The following ZNF460 variants were observed in gnomAD, a reference collection of about 807,000 sequenced individuals.
The protein encoded by ZNF460 is zinc finger protein 272.
A neutral mutation model predicts 8.4 loss-of-function variants in ZNF460; 1 was observed. That is an observed-to-expected ratio of 0.12 (90% CI 0.04 to 0.56). The LOEUF (loss-of-function observed/expected upper bound fraction) is 0.56, where lower values mean the gene tolerates loss of function less well. ZNF460 is among the 20% of genes least tolerant of loss of function. The pLI is 0.91. For synonymous variants in ZNF460, 262 were observed against 259.9 expected, an observed-to-expected ratio of 1.01 and a Z score of -0.08; for missense variants, 477 against 714.8, an observed-to-expected ratio of 0.67 and a Z score of 3.79.
Position 57,280,529 on chromosome 19 carries a change from C to A in ZNF460, c.-278C>A. On this transcript the variant is annotated 5_prime_UTR_variant, in exon 1 of 3. Transcript: ENST00000360338. ...AGCGCTGGGTGGGCGCGTTCTGCGG[C>A]CTGAGCAGGGACGGGTAGTGAAGCG... 1.9e-6 allele frequency: 1 copy of A among 523,412 alleles called. No homozygotes were observed. The highest frequency in any genetic ancestry group is 2.2e-5 in the South Asian group (1 of 44,894). The allele number at this position is 523,412 out of a possible 1,614,324, so 32.4% of individuals were successfully genotyped here. A position where few individuals can be genotyped will look rare whatever the true frequency, so the allele number is the denominator to read the frequency against.
At chr19:57,285,376 A>G (rs886171734) in intron 2 of ZNF460, among the ~76,000 whole-genome samples, 3 of 152,012 alleles carry the variant, frequency 2.0e-5, no homozygotes, top group African/African-American at 7.3e-5. Flanking sequence ...TGGCTCAGCT[A>G]TTGTGTGGAA....
chr19:57,280,043 G>T (rs773331282), upstream of ZNF460: 7 of 152,288 alleles, frequency 4.6e-5, no homozygotes, highest in Admixed American at 6.5e-5. Flanking sequence ...TATTTTAACT[G>T]CTCATTTATC....
chr19:57,287,613 CTG>C (rs2087888716), intron 2 of ZNF460, among the ~76,000 whole-genome samples: 1 of 152,156 alleles, frequency 6.6e-6, no homozygotes, highest in African/African-American at 2.4e-5. Context: ...ATGAGCCACA[CTG>C]TGTGGGTGTG....
At chr19:57,282,499 C>A (rs188662685) in intron 1 of ZNF460, among the ~76,000 whole-genome samples, 1 of 152,188 alleles carries the variant, frequency 6.6e-6, no homozygotes, top group African/African-American at 2.4e-5. Context: ...GGTGTCACCA[C>A]GTCAGGTGAT....
rs7246828 is a variant in ZNF460, at chr19:57,284,219, T to A, written c.31-332T>A. On this transcript the variant is annotated intron_variant, in intron 1 of 2. Coordinates refer to ENST00000360338, the MANE Select transcript of ZNF460 (RefSeq NM_006635.4). ...TTATTTATTTATTTATTTATTTATT[T>A]TTTATTTATTTATTTATTTTTTTTT... Among the ~76,000 whole-genome samples, 87 of 125,712 alleles carry A rather than the reference T, an allele frequency of 6.9e-4. 1 individual carries two copies. The East Asian group carries it at 0.019, about 28-fold the overall frequency. The allele number at this position is 125,712 out of a possible 152,430, so 82.5% of individuals were successfully genotyped here.
At chr19:57,289,320 C>T (rs952789820) in intron 2 of ZNF460, among the ~76,000 whole-genome samples, 3 of 152,138 alleles carry the variant, frequency 2.0e-5, no homozygotes, top group South Asian at 2.1e-4. Context: ...GCATCAGCTT[C>T]GTCTCCGCCC....
In ZNF460 at chr19:57,291,422, A is replaced by G. The variant is rs2087917196; in HGVS notation, c.881A>G (p.Asn294Ser). Residue 294 changes from asparagine (N) to serine (S), a missense_variant, in exon 3 of 3, where the codon AAT becomes AGT. This residue lies in a region of ZNF460 where 193 missense variants were observed against 391.7 expected (regional missense o/e 0.49). Coordinates refer to ENST00000360338, the MANE Select transcript of ZNF460 (RefSeq NM_006635.4). The surrounding 1 kb of genome is among the most constrained non-coding windows in gnomAD (Gnocchi z 8.4). Reference protein sequence around the residue: ...ECGKAFTYRSNFVLHNKSHNE... With the variant: ...ECGKAFTYRSSFVLHNKSHNE... ...GGAAAGGCCTTTACCTACCGCTCCA[A>G]TTTTGTCTTGCATAACAAGAGCCAC... The G allele has an allele frequency of 1.2e-6, 2 of 1,613,642 alleles. No homozygotes were observed. The highest frequency in any genetic ancestry group is 1.3e-5 in the African/African-American group (1 of 74,780).
intron 2 of ZNF460, among the ~76,000 whole-genome samples, chr19:57,285,802 G>A (rs1600024866): frequency 6.6e-6 from 1 of 152,150 alleles, no homozygotes; most frequent in East Asian, 1.9e-4. Flanking sequence ...TTAGGATTGA[G>A]TTCTTCCACT....
At chr19:57,283,295 G>A (rs753092870) in intron 1 of ZNF460, among the ~76,000 whole-genome samples, 68 of 150,582 alleles carry the variant, frequency 4.5e-4, no homozygotes, top group Admixed American at 4.0e-3. Context: ...TCAGCCTCCC[G>A]AGTAGCTAGG....
In ZNF460 at chr19:57,290,752, C is replaced by A. The variant is rs376442612; in HGVS notation, c.211C>A (p.Pro71Thr). The A allele has an allele frequency of 6.8e-6, 11 of 1,614,086 alleles. No homozygotes were observed. In the African/African-American group the frequency reaches 1.5e-4, roughly 22 times the overall value. ...VEPIPSHLALPEEVSLQEQLA... is the reference protein window; with the variant it reads ...VEPIPSHLALTEEVSLQEQLA... ...GCCTATCCCTTCTCATCTGGCCTTG[C>A]CTGAGGAAGTCTCACTCCAGGAACA... Residue 71 changes from proline to threonine, a missense_variant, in exon 3 of 3, where the codon CCT (proline) becomes ACT (threonine). By Grantham distance (38) the Pro-to-Thr change is conservative (BLOSUM62 -1). Around this residue, in one of 5 missense-constraint regions of ZNF460, gnomAD observed 169 missense variants for 178.6 expected, o/e 0.95. Coordinates refer to ENST00000360338, the MANE Select transcript of ZNF460 (RefSeq NM_006635.4).
chr19:57,287,884 G>A (rs895905535), intron 2 of ZNF460, among the ~76,000 whole-genome samples: 1 of 152,128 alleles, frequency 6.6e-6, no homozygotes, highest in Non-Finnish European at 1.5e-5. Context: ...AGCTACTCAG[G>A]AGGCTGAGGT....
Position 57,280,767 on chromosome 19 carries a change from A to G in ZNF460, c.-40A>G. On this transcript the variant is annotated 5_prime_UTR_variant, in exon 1 of 3. Transcript: ENST00000360338. ...CAGCCGAGGTCGCCCCGCCCAGGAC[A>G]GAGAAGGGCTGTGGTCGGCTGATCC... The G allele has an allele frequency of 6.2e-7, 1 of 1,613,426 alleles. No individual in the cohort carries two copies. The highest frequency in any genetic ancestry group is 8.5e-7 in the Non-Finnish European group (1 of 1,179,714).
Position 57,280,817 on chromosome 19 carries a change from C to T in ZNF460, c.11C>T (p.Ala4Val), listed in dbSNP as rs1340980223. The T allele has an allele frequency of 6.2e-7, 1 of 1,614,112 alleles. No homozygotes were observed. Among genetic ancestry groups the T allele is most frequent in the South Asian group, 1.1e-5 (1 of 91,074 alleles). The change falls in exon 1 of 3, where the codon GCG becomes GTG. Residue 4 changes from alanine to valine, a missense_variant. Physicochemically the swap from Ala to Val is moderately conservative, Grantham distance 64. This residue lies in a region of ZNF460 where 22 missense variants were observed against 22.3 expected (regional missense o/e 0.99). Transcript: ENST00000360338. MAA[A>V]WMAPAQESVT... ...CGCGGCATTCCCGGGATGGCGGCGGCGTGGATGGCTCCGGCGCAGGTGAGT... is the reference window on the plus strand; with the variant it reads ...CGCGGCATTCCCGGGATGGCGGCGGTGTGGATGGCTCCGGCGCAGGTGAGT...
At chr19:57,287,116 G>C (rs1454105687) in intron 2 of ZNF460, among the ~76,000 whole-genome samples, 1 of 152,108 alleles carries the variant, frequency 6.6e-6, no homozygotes, top group East Asian at 1.9e-4. Context: ...CTCATATTTA[G>C]ACTTCATCAG....
Position 57,280,690 on chromosome 19 carries a change from G to A in ZNF460, c.-117G>A. On this transcript the variant is annotated 5_prime_UTR_variant, in exon 1 of 3. Transcript: ENST00000360338. The stretch of plus-strand genomic sequence containing the variant: ...TCCTCAGCCCCGACGCTGCGCCTTG[G>A]GCCTTGTGCGCATTTTTTTCGGGGG... 6 of 1,458,142 alleles carry A rather than the reference G, an allele frequency of 4.1e-6. No individual in the cohort carries two copies. The highest frequency in any genetic ancestry group is 5.6e-6 in the Non-Finnish European group (6 of 1,070,196). The allele number at this position is 1,458,142 out of a possible 1,614,324, so 90.3% of individuals were successfully genotyped here.
At chr19:57,285,540 A>G (rs554060416) in intron 2 of ZNF460, among the ~76,000 whole-genome samples, 1 of 152,338 alleles carries the variant, frequency 6.6e-6, no homozygotes, top group African/African-American at 2.4e-5. Flanking sequence ...GGCCATTGCA[A>G]TGAACACCTC....
At chr19:57,281,306 A>G (rs1003477574) in intron 1 of ZNF460, among the ~76,000 whole-genome samples, 1 of 152,204 alleles carries the variant, frequency 6.6e-6, no homozygotes, top group Non-Finnish European at 1.5e-5. Context: ...GCATCTGTCC[A>G]GGTGTCACCT....
intron 1 of ZNF460, 111 bp from the exon 2 acceptor site, chr19:57,284,440 G>A: frequency 7.3e-7 from 1 of 1,372,434 alleles, no homozygotes; most frequent in South Asian, 1.4e-5. Context: ...GGAGGTGCTT[G>A]GTGATTTGGC....
intron 2 of ZNF460, among the ~76,000 whole-genome samples, chr19:57,290,294 T>A (rs926852625): frequency 6.6e-6 from 1 of 150,866 alleles, no homozygotes; most frequent in Non-Finnish European, 1.5e-5. Flanking sequence ...CTGGCCTTTT[T>A]TTGAGATGGG....
Sources: gnomAD v4.1 joint callset for allele counts (sites outside exome capture counted in the v4.1 genomes callset) on GRCh38, gnomAD v4.1.1 for gene constraint, gnomAD v4.1.1 regional missense constraint, Gnocchi (gnomAD v3.1) non-coding constraint, MANE v1.5 for transcripts, NCBI Gene and HGNC (gene_info 2026-07-23, HGNC 2026-07-21) for gene names.